The following PLA2G4C variants were observed in gnomAD, a reference collection of about 807,000 sequenced individuals.
The protein encoded by PLA2G4C is phospholipase A2 group IVC, also known as cytosolic phospholipase A2 gamma.
In PLA2G4C, 64 loss-of-function variants were observed where a neutral mutation model predicts 73.8. The ratio of observed to expected loss-of-function variants is 0.87; its 90% CI spans 0.71 to 1.07. The LOEUF (loss-of-function observed/expected upper bound fraction) is 1.07. Ranked by LOEUF, PLA2G4C falls within the 50% of genes least tolerant of loss-of-function variation. PLA2G4C has a pLI of 0.00. For synonymous variants in PLA2G4C, 254 were observed against 252.1 expected (o/e 1.01, Z -0.07); for missense variants, 622 against 665.4 (o/e 0.93, Z 0.72).
At chr19:48,054,454 C>A (rs1320148450) in intron 15 of PLA2G4C, among the ~76,000 whole-genome samples, 1 of 151,856 alleles carries the variant, frequency 6.6e-6, no homozygotes, top group Non-Finnish European at 1.5e-5. Context: ...CAGGCACGCA[C>A]CACCAAGCCC....
At chr19:48,098,318 C>T in intron 5 of PLA2G4C, 59 bp from the exon 6 acceptor site, 1 of 1,508,822 alleles carries the variant, frequency 6.6e-7, no homozygotes, top group Non-Finnish European at 8.9e-7. Context: ...CAGGGTGGAA[C>T]CTCTGCACGT....
chr19:48,069,564 G>A (rs1703569407), intron 12 of PLA2G4C, among the ~76,000 whole-genome samples: 1 of 152,006 alleles, frequency 6.6e-6, no homozygotes, highest in Non-Finnish European at 1.5e-5. Context: ...ACCTTATGCA[G>A]CATCTTTTCC....
chr19:48,097,645 A>G (rs10853796), intron 6 of PLA2G4C: 64,829 of 151,994 alleles, frequency 0.43, 13,942 homozygotes, highest in South Asian at 0.48. Context: ...AGGCTGTAGT[A>G]CAATGGTGCA....
In PLA2G4C at chr19:48,110,749, G is replaced by A. The variant is rs550549998; in HGVS notation, c.-295C>T. 4.6e-4 allele frequency: 201 copies of A among 432,972 alleles called. No homozygotes were observed. Among genetic ancestry groups the A allele is most frequent in the African/African-American group, 4.0e-3 (194 of 48,668 alleles). 26.8% of individuals were successfully genotyped at this position (432,972 alleles called of 1,614,324 possible). A position where few individuals can be genotyped will look rare whatever the true frequency, so the allele number is the denominator to read the frequency against. On this transcript the variant is annotated 5_prime_UTR_variant, in exon 1 of 17. Coordinates refer to ENST00000599921, the MANE Select transcript of PLA2G4C (RefSeq NM_003706.3). ...AGCAGGGCCAACCTGGAGGTAAAAT[G>A]GCCCCTGCGCCTTTAAACAGCCCTC...
At chr19:48,105,492 G>T in intron 2 of PLA2G4C, 48 bp from the exon 3 acceptor site, 1 of 1,431,010 alleles carries the variant, frequency 7.0e-7, no homozygotes, top group Non-Finnish European at 9.8e-7. Context: ...ACAGGGAAAA[G>T]GGATAAAACA....
chr19:48,106,694 C>A, intron 1 of PLA2G4C, 133 bp from the exon 2 acceptor site: 1 of 658,140 alleles, frequency 1.5e-6, no homozygotes. Flanking sequence ...ATGCGAACAG[C>A]AGGTGTTGCA....
At chr19:48,083,392 C>CTTTTTTTTTTTTTTTTTTTTT in intron 10 of PLA2G4C, among the ~76,000 whole-genome samples, 1 of 105,836 alleles carries the variant, frequency 9.4e-6, no homozygotes, top group East Asian at 2.8e-4. Flanking sequence ...ATTTTCTTTT[C>CTTTTTTTTTTTTTTTTTTTTT]TTTTTTTTTT....
chr19:48,079,604 A>C (rs1193159447), intron 10 of PLA2G4C, among the ~76,000 whole-genome samples: 2 of 152,142 alleles, frequency 1.3e-5, no homozygotes, highest in East Asian at 3.9e-4. Flanking sequence ...CATCAAAAAA[A>C]CTCTTCTAGA....
intron 6 of PLA2G4C, chr19:48,097,860 C>G (rs2031681276): frequency 3.0e-6 from 1 of 336,562 alleles, no homozygotes; most frequent in African/African-American, 2.1e-5. Flanking sequence ...TTCAGGCGAT[C>G]CTCCCACCTC....
chr19:48,096,735 G>A (rs1487478787), intron 6 of PLA2G4C: 1 of 152,234 alleles, frequency 6.6e-6, no homozygotes, highest in Non-Finnish European at 1.5e-5. Flanking sequence ...TGCATTTTAT[G>A]CTTAGGAAAT....
intron 1 of PLA2G4C, among the ~76,000 whole-genome samples, chr19:48,110,101 AC>A (rs1388224090): frequency 6.6e-6 from 1 of 151,482 alleles, no homozygotes; most frequent in African/African-American, 2.4e-5. Flanking sequence ...TAATCCCAGC[AC>A]TTTGGAAGGC....
chr19:48,048,375 TC>T lies in PLA2G4C; in HGVS notation c.1593del (p.Lys532ArgfsTer12). On this transcript the variant is annotated frameshift_variant, in exon 17 of 17. Transcript: ENST00000599921. LOFTEE classifies it high-confidence loss of function. ...AAGCAGCAACTTCGGGCACTATCCT[TC>T]GGGTAGTAGAGCCTGGGGAGAAAGG... ...ELMNVAGLYY[P>X]KDSARSCCLA 6.3e-7 allele frequency: 1 copy of T among 1,595,856 alleles called. No individual in the cohort carries two copies. The highest frequency in any genetic ancestry group is 8.5e-7 in the Non-Finnish European group (1 of 1,173,720).
chr19:48,097,510 C>G (rs905455117), intron 6 of PLA2G4C, among the ~76,000 whole-genome samples: 7 of 151,836 alleles, frequency 4.6e-5, no homozygotes, highest in African/African-American at 7.3e-5. Context: ...CCTCGGCCTC[C>G]CAAAGTCCTG....
chr19:48,053,046 C>T lies in PLA2G4C; in HGVS notation c.1531G>A (p.Val511Ile), dbSNP rs1250751163. Reference sequence around the variant, plus strand: ...AGGATCTTCTTCTTGTTTTCCCTGACATTCTTCTTGGCTAATGCCAAGAGT... The same window carrying T: ...AGGATCTTCTTCTTGTTTTCCCTGATATTCTTCTTGGCTAATGCCAAGAGT... ...VLLLALAKKN[V>I]RENKKKILRE... The change falls in exon 16 of 17, where the codon GTC becomes ATC. Residue 511 changes from valine (V) to isoleucine (I), a missense_variant. Coordinates refer to ENST00000599921, the MANE Select transcript of PLA2G4C (RefSeq NM_003706.3). The T allele has an allele frequency of 1.4e-5, 23 of 1,613,580 alleles. No homozygotes were observed. Among genetic ancestry groups the T allele is most frequent in the Non-Finnish European group, 1.8e-5 (21 of 1,179,676 alleles).
intron 12 of PLA2G4C, among the ~76,000 whole-genome samples, chr19:48,071,748 T>G (rs935540898): frequency 6.6e-6 from 1 of 152,118 alleles, no homozygotes; most frequent in African/African-American, 2.4e-5. Flanking sequence ...CACACCTGGC[T>G]TTTTTAAATG....
At chr19:48,087,945 A>T (rs1452797782) in intron 9 of PLA2G4C, among the ~76,000 whole-genome samples, 1 of 150,214 alleles carries the variant, frequency 6.7e-6, no homozygotes, top group Non-Finnish European at 1.5e-5. Context: ...TCAAAAAAAA[A>T]AAAAAAAAAT....
intron 6 of PLA2G4C, among the ~76,000 whole-genome samples, chr19:48,097,498 C>T (rs576075999): frequency 7.9e-5 from 12 of 151,844 alleles, no homozygotes; most frequent in African/African-American, 2.4e-4. Flanking sequence ...GTGATCCACC[C>T]GCCTCGGCCT....
At chr19:48,054,761 G>T in intron 15 of PLA2G4C, 117 bp downstream of exon 15, 1 of 990,874 alleles carries the variant, frequency 1.0e-6, no homozygotes, top group Non-Finnish European at 1.6e-6. Context: ...ATGCTGAACT[G>T]TGAGTCAATT....
In PLA2G4C at chr19:48,098,705, C is replaced by T. The variant is rs1233421992; in HGVS notation, c.448-446G>A. On this transcript the variant is annotated intron_variant, in intron 5 of 16. Coordinates refer to ENST00000599921, the MANE Select transcript of PLA2G4C (RefSeq NM_003706.3). ...ACCACCCCGAGCAAAAAAGCGAAAC[C>T]CTATCTCTAAAAAAAAAAAAAAAAA... 1.5e-4 allele frequency among the ~76,000 whole-genome samples: 10 copies of T among 67,086 alleles called. 1 individual carries two copies. The highest frequency in any genetic ancestry group is 7.2e-4 in the Admixed American group (4 of 5,524). 44.0% of individuals were successfully genotyped at this position (67,086 alleles called of 152,430 possible).
Sources: gnomAD v4.1 joint callset for allele counts (sites outside exome capture counted in the v4.1 genomes callset) on GRCh38, gnomAD v4.1.1 for gene constraint, MANE v1.5 for transcripts, NCBI Gene and HGNC (gene_info 2026-07-23, HGNC 2026-07-21) for gene names.